Variants in MAPK10 observed in about 807,000 individuals in gnomAD.
MAPK10 encodes the protein JNK3 alpha protein kinase.
MAPK10 carries 25 observed loss-of-function variants against 59.3 expected under a neutral mutation model. The observed-to-expected ratio is 0.42, with a 90% CI of 0.31 to 0.59. MAPK10 has a LOEUF of 0.59. Ranked by LOEUF, MAPK10 falls within the 20% of genes least tolerant of loss-of-function variation. MAPK10 has a pLI of 0.15. For synonymous variants in MAPK10, 190 were observed against 200.5 expected, an observed-to-expected ratio of 0.95 and a Z score of 0.44; for missense variants, 351 against 568.9, an observed-to-expected ratio of 0.62 and a Z score of 3.90.
At chr4:86,036,587 T>C (rs1174127413) in intron 11 of MAPK10, among the ~76,000 whole-genome samples, 1 of 152,202 alleles carries the variant, frequency 6.6e-6, no homozygotes, top group Admixed American at 6.5e-5. Context: ...TGAAGTCATA[T>C]AGCTAATTAA....
Position 86,401,779 on chromosome 4 carries a change from G to A in MAPK10, c.-121-47135C>T, listed in dbSNP as rs559862775. 3.3e-5 allele frequency among the ~76,000 whole-genome samples: 5 copies of A among 152,226 alleles called. No individual in the cohort carries two copies. The East Asian group carries it at 9.6e-4, about 29-fold the overall frequency. ...CTCAAAGTAAATTATTTATGTAACA[G>A]TGTTTTCAAATTGGTTTACAAATAT... is the stretch of plus-strand genomic sequence containing the variant. On this transcript the variant is annotated intron_variant, in intron 1 of 13. Transcript: ENST00000361569.
At chr4:86,145,955 G>A (rs73837426) in intron 4 of MAPK10, among the ~76,000 whole-genome samples, 3 of 152,098 alleles carry the variant, frequency 2.0e-5, no homozygotes, top group African/African-American at 7.3e-5. Context: ...TCACAGAAAA[G>A]GAGTCCGTCT....
chr4:86,087,148 G>A (rs1032259818), intron 9 of MAPK10, among the ~76,000 whole-genome samples: 1 of 152,142 alleles, frequency 6.6e-6, no homozygotes, highest in Non-Finnish European at 1.5e-5. Flanking sequence ...TCTAAAAAAT[G>A]TTAAATTGTA....
intron 1 of MAPK10, among the ~76,000 whole-genome samples, chr4:86,460,763 A>C (rs1316416034): frequency 2.6e-5 from 4 of 152,256 alleles, no homozygotes; most frequent in Non-Finnish European, 5.9e-5. Flanking sequence ...TTCCTGCTGC[A>C]GTTAACTAGC....
chr4:86,375,713 T>TAA (rs56189009), intron 1 of MAPK10, among the ~76,000 whole-genome samples: 686 of 33,350 alleles, frequency 0.021, 44 homozygotes, highest in African/African-American at 0.058. Flanking sequence ...AGGTCCACTC[T>TAA]AAAAAAAAAA....
chr4:86,254,867 A>T (rs2093633812), intron 2 of MAPK10, among the ~76,000 whole-genome samples: 1 of 152,092 alleles, frequency 6.6e-6, no homozygotes, highest in Non-Finnish European at 1.5e-5. Flanking sequence ...GCTTATAAAA[A>T]TTGGGGTTTT....
chr4:86,134,869 T>C (rs1580956829), intron 4 of MAPK10, among the ~76,000 whole-genome samples: 1 of 152,270 alleles, frequency 6.6e-6, no homozygotes, highest in African/African-American at 2.4e-5. Flanking sequence ...ATTGCCTCAC[T>C]CGGGAAGTGC....
intron 1 of MAPK10, among the ~76,000 whole-genome samples, chr4:86,410,367 TC>T (rs1234929063): frequency 6.6e-6 from 1 of 152,208 alleles, no homozygotes; most frequent in African/African-American, 2.4e-5. Context: ...ATTCTCTTTT[TC>T]TTGTTGTGTC....
intron 9 of MAPK10, among the ~76,000 whole-genome samples, chr4:86,097,841 A>G (rs759667699): frequency 6.6e-6 from 1 of 152,138 alleles, no homozygotes; most frequent in African/African-American, 2.4e-5. Flanking sequence ...TGCAGGACTC[A>G]GTAGTAGAAC....
intron 4 of MAPK10, among the ~76,000 whole-genome samples, chr4:86,146,483 C>G (rs1412297478): frequency 6.6e-6 from 1 of 152,136 alleles, no homozygotes; most frequent in Non-Finnish European, 1.5e-5. Flanking sequence ...CTTGGGCACA[C>G]AGCTCAACTA....
At chr4:86,187,827 G>C (rs1244344709) in intron 3 of MAPK10, among the ~76,000 whole-genome samples, 1 of 152,086 alleles carries the variant, frequency 6.6e-6, no homozygotes, top group African/African-American at 2.4e-5. Flanking sequence ...ATGAAGGTTT[G>C]TTACATAGGT....
intron 1 of MAPK10, among the ~76,000 whole-genome samples, chr4:86,442,902 A>C (rs1400065468): frequency 6.6e-6 from 1 of 152,180 alleles, no homozygotes; most frequent in Admixed American, 6.6e-5. Flanking sequence ...AGGAGCTTAG[A>C]AGTCAAAAAC....
intron 2 of MAPK10, among the ~76,000 whole-genome samples, chr4:86,287,724 C>T (rs543585899): frequency 9.9e-5 from 15 of 152,258 alleles, no homozygotes; most frequent in African/African-American, 3.4e-4. Context: ...CCAATCACTA[C>T]CAGAAATAAT....
At chr4:86,256,234 T>A (rs2148726113) in intron 2 of MAPK10, among the ~76,000 whole-genome samples, 2 of 152,324 alleles carry the variant, frequency 1.3e-5, no homozygotes, top group South Asian at 4.1e-4. Flanking sequence ...AACTAGTGCT[T>A]TCATCCCAGT....
intron 2 of MAPK10, among the ~76,000 whole-genome samples, chr4:86,321,017 A>C (rs1342746521): frequency 2.0e-5 from 3 of 152,346 alleles, no homozygotes; most frequent in African/African-American, 7.2e-5. Context: ...GAGAAATGCA[A>C]ATCAAAACCA....
At chr4:86,206,249 T>G (rs1423178890) in intron 2 of MAPK10, among the ~76,000 whole-genome samples, 3 of 150,036 alleles carry the variant, frequency 2.0e-5, no homozygotes, top group African/African-American at 7.3e-5. Flanking sequence ...CCTGTGTCCG[T>G]GTGTTCGCAT....
intron 4 of MAPK10, among the ~76,000 whole-genome samples, chr4:86,145,311 G>A (rs2064678104): frequency 1.2e-5 from 1 of 85,458 alleles, no homozygotes; most frequent in Non-Finnish European, 2.2e-5. Context: ...GCAGTGAGCC[G>A]AGATCGCGCC....
intron 1 of MAPK10, among the ~76,000 whole-genome samples, chr4:86,537,411 C>T (rs1197717394): frequency 1.3e-5 from 2 of 152,232 alleles, no homozygotes; most frequent in East Asian, 1.9e-4. Flanking sequence ...AGAGAAAGAA[C>T]GGTGATATCC....
chr4:86,115,570 T>C (rs1185381559), intron 4 of MAPK10, among the ~76,000 whole-genome samples: 1 of 152,160 alleles, frequency 6.6e-6, no homozygotes. Context: ...CAAGTGATTC[T>C]CCTGCCTCAG....
Sources: gnomAD v4.1 joint callset for allele counts (sites outside exome capture counted in the v4.1 genomes callset) on GRCh38, gnomAD v4.1.1 for gene constraint, MANE v1.5 for transcripts, NCBI Gene and HGNC (gene_info 2026-07-23, HGNC 2026-07-21) for gene names.